PPP1R14A: variants seen among roughly 807,000 people sequenced by gnomAD.
PPP1R14A encodes the protein protein phosphatase 1 regulatory inhibitor subunit 14A.
PPP1R14A carries 9 observed loss-of-function variants against 14.1 expected under a neutral mutation model. The observed-to-expected ratio is 0.64, with a 90% CI of 0.38 to 1.11. The LOEUF (loss-of-function observed/expected upper bound fraction) is 1.11, where lower values mean the gene tolerates loss of function less well. PPP1R14A is among the 50% of genes most tolerant of loss of function. The pLI is 0.01. For synonymous variants in PPP1R14A, 93 were observed against 88.7 expected (o/e 1.05, Z -0.27); for missense variants, 208 against 200.7 (o/e 1.04, Z -0.22).
Position 38,252,253 on chromosome 19 carries a change from C to T in PPP1R14A, c.315+53G>A. The T allele has an allele frequency of 6.3e-7, 1 of 1,578,450 alleles. No individual in the cohort carries two copies. Among genetic ancestry groups the T allele is most frequent in the Non-Finnish European group, 8.7e-7 (1 of 1,153,730 alleles). The stretch of plus-strand genomic sequence containing the variant: ...TTCTGCCAGCTTCTTCCCCCTCCCC[C>T]ATCAGAGTACTTGGGGCCAGAACAG... On this transcript the variant is annotated intron_variant, in intron 3 of 3. Coordinates refer to ENST00000301242, the MANE Select transcript of PPP1R14A (RefSeq NM_033256.3). The surrounding 1 kb of genome is among the most constrained non-coding windows in gnomAD (Gnocchi z 4.1).
rs761429737 is a variant in PPP1R14A, at chr19:38,256,107, C to T, written c.201+32G>A. The T allele has an allele frequency of 2.2e-5, 33 of 1,523,588 alleles. No individual in the cohort carries two copies. The highest frequency in any genetic ancestry group is 1.0e-4 in the East Asian group (4 of 40,072). 94.4% of individuals were successfully genotyped at this position (1,523,588 alleles called of 1,614,324 possible). A position where few individuals can be genotyped will look rare whatever the true frequency, so the allele number is the denominator to read the frequency against. On this transcript the variant is annotated intron_variant, in intron 1 of 3. Transcript: ENST00000301242. This position sits in a 1 kb window ranked among gnomAD's most constrained non-coding sequence, Gnocchi z 5.7. ...TCTCCGCGCCCGGGCTCTATCTGTC[C>T]CCGACCACCCCCGAGCCCTCCCCGG...
Position 38,251,389 on chromosome 19 carries a change from G to T in PPP1R14A, c.373C>A (p.Arg125Ser). ...CCGTCGTGGGAGGGGCTTGGCTGGC[G>T]GAGGCCGGGCTGCCTGTGGAGGCCT... ...LQGLHRQPGL[R>S]QPSPSHDGSL... Residue 125 changes from arginine to serine, a missense_variant, in exon 4 of 4, where the codon CGC (arginine) becomes AGC (serine). Physicochemically the swap from Arg to Ser is moderately radical, Grantham distance 110 (BLOSUM62 -1). Coordinates refer to ENST00000301242, the MANE Select transcript of PPP1R14A (RefSeq NM_033256.3). 1 of 1,561,736 alleles carries T rather than the reference G, an allele frequency of 6.4e-7. No homozygotes were observed.
chr19:38,253,430 G>A (rs1968213227), intron 1 of PPP1R14A, among the ~76,000 whole-genome samples: 1 of 152,090 alleles, frequency 6.6e-6, no homozygotes, highest in Non-Finnish European at 1.5e-5. Context: ...GGACAGGAAG[G>A]GAGGGGACAG....
chr19:38,252,397 C>T lies in PPP1R14A; in HGVS notation c.283-59G>A, dbSNP rs1382345888. On this transcript the variant is annotated intron_variant, in intron 2 of 3. Coordinates refer to ENST00000301242, the MANE Select transcript of PPP1R14A (RefSeq NM_033256.3). This position sits in a 1 kb window ranked among gnomAD's most constrained non-coding sequence, Gnocchi z 4.1. ...TAAATGACTAACACCTACTCCCCTCCAGCCCCTTCCCTTTCCCAAAAGGCC... is the reference window on the plus strand; with the variant it reads ...TAAATGACTAACACCTACTCCCCTCTAGCCCCTTCCCTTTCCCAAAAGGCC... 1.9e-6 allele frequency: 3 copies of T among 1,548,174 alleles called. No individual in the cohort carries two copies. The highest frequency in any genetic ancestry group is 1.8e-6 in the Non-Finnish European group (2 of 1,129,240).
At chr19:38,253,224 C>G in intron 1 of PPP1R14A, 1 of 471,816 alleles carries the variant, frequency 2.1e-6, no homozygotes, top group South Asian at 2.7e-5. Context: ...CCGGGAGCCT[C>G]GGGGCTGGCA....
chr19:38,253,938 C>T (rs2146256100), intron 1 of PPP1R14A, among the ~76,000 whole-genome samples: 1 of 152,286 alleles, frequency 6.6e-6, no homozygotes, highest in Admixed American at 6.5e-5. Context: ...GTGGCTCTGG[C>T]TTGGGTGTGT....
rs1403059634 is a variant in PPP1R14A at position 38,252,226 on chromosome 19, C to T, written c.315+80G>A. ...GGGCCGGGTGGTGTTCCCCAGAGAC[C>T]CTTCTGCCAGCTTCTTCCCCCTCCC... On this transcript the variant is annotated intron_variant, in intron 3 of 3. Transcript: ENST00000301242. The surrounding 1 kb of genome is among the most constrained non-coding windows in gnomAD (Gnocchi z 4.1). The T allele has an allele frequency of 7.0e-7, 1 of 1,433,612 alleles. No individual in the cohort carries two copies. Among genetic ancestry groups the T allele is most frequent in the Non-Finnish European group, 9.7e-7 (1 of 1,035,582 alleles). The allele number at this position is 1,433,612 out of a possible 1,614,324, so 88.8% of individuals were successfully genotyped here. A position where few individuals can be genotyped will look rare whatever the true frequency, so the allele number is the denominator to read the frequency against.
chr19:38,251,813 A>G (rs1224991077), intron 3 of PPP1R14A: 1 of 361,926 alleles, frequency 2.8e-6, no homozygotes. Context: ...CCCCAGAGAT[A>G]GATCCAGGGC....
rs1380923440 is a variant in PPP1R14A at position 38,252,079 on chromosome 19, G to GA, written c.315+226dup. 2 of 590,336 alleles carry GA rather than the reference G, an allele frequency of 3.4e-6. No homozygotes were observed. The highest frequency in any genetic ancestry group is 1.9e-5 in the African/African-American group (1 of 53,478). 36.6% of individuals were successfully genotyped at this position (590,336 alleles called of 1,614,324 possible). Reference sequence around the variant, plus strand: ...AGAGGCAAAAACAGGGCAGATGGGGGAGGACAGAATGGAGCCCCCTCAGCA... The same window carrying GA: ...AGAGGCAAAAACAGGGCAGATGGGGGAAGGACAGAATGGAGCCCCCTCAGCA... On this transcript the variant is annotated intron_variant, in intron 3 of 3. Coordinates refer to ENST00000301242, the MANE Select transcript of PPP1R14A (RefSeq NM_033256.3). The surrounding 1 kb of genome is among the most constrained non-coding windows in gnomAD (Gnocchi z 4.1).
In PPP1R14A at chr19:38,252,276, C is replaced by T. The variant is rs763226778; in HGVS notation, c.315+30G>A. On this transcript the variant is annotated intron_variant, in intron 3 of 3. Coordinates refer to ENST00000301242, the MANE Select transcript of PPP1R14A (RefSeq NM_033256.3). This position sits in a 1 kb window ranked among gnomAD's most constrained non-coding sequence, Gnocchi z 4.1. ...CCCATCAGAGTACTTGGGGCCAGAA[C>T]AGGGAGAGAATGAGGGAGAGAAAAC... 3 of 1,607,714 alleles carry T rather than the reference C, an allele frequency of 1.9e-6. No individual in the cohort carries two copies. The South Asian group carries it at 3.3e-5, about 18-fold the overall frequency.
Position 38,252,781 on chromosome 19 carries a change from G to A in PPP1R14A, c.282+113C>T, listed in dbSNP as rs764723858. The A allele has an allele frequency of 1.1e-5, 9 of 815,624 alleles. No individual in the cohort carries two copies. Among genetic ancestry groups the A allele is most frequent in the Non-Finnish European group, 1.9e-5 (9 of 470,684 alleles). 50.5% of individuals were successfully genotyped at this position (815,624 alleles called of 1,614,324 possible). A position where few individuals can be genotyped will look rare whatever the true frequency, so the allele number is the denominator to read the frequency against. On this transcript the variant is annotated intron_variant, in intron 2 of 3. Transcript: ENST00000301242. This position sits in a 1 kb window ranked among gnomAD's most constrained non-coding sequence, Gnocchi z 4.1. ...GGTTAAGTGAGTGAATACATGTAAA[G>A]CCATCACACCAGTGCCCGGCATCTA...
At chr19:38,253,644 G>A (rs910010751) in intron 1 of PPP1R14A, among the ~76,000 whole-genome samples, 1 of 152,198 alleles carries the variant, frequency 6.6e-6, no homozygotes, top group Non-Finnish European at 1.5e-5. Context: ...CTGGGAATAG[G>A]ACCCAGCTGT....
Position 38,256,076 on chromosome 19 carries a change from G to A in PPP1R14A, c.201+63C>T. ...GAGTGTGCACCGAGACCCCAAGGGC[G>A]TGGGGTCTCCGCGCCCGGGCTCTAT... On this transcript the variant is annotated intron_variant, in intron 1 of 3. Transcript: ENST00000301242. The surrounding 1 kb of genome is among the most constrained non-coding windows in gnomAD (Gnocchi z 5.7). 1 of 1,402,576 alleles carries A rather than the reference G, an allele frequency of 7.1e-7. No homozygotes were observed. Among genetic ancestry groups the A allele is most frequent in the Middle Eastern group, 2.4e-4 (1 of 4,102 alleles). 86.9% of individuals were successfully genotyped at this position (1,402,576 alleles called of 1,614,324 possible).
rs749397816 is a variant in PPP1R14A at position 38,252,352 on chromosome 19, C to T, written c.283-14G>A. The T allele has an allele frequency of 7.4e-6, 12 of 1,612,180 alleles. No homozygotes were observed. Among genetic ancestry groups the T allele is most frequent in the Non-Finnish European group, 1.7e-6 (2 of 1,179,248 alleles). On this transcript the variant is annotated splice_polypyrimidine_tract_variant and intron_variant, in intron 2 of 3. Transcript: ENST00000301242. The surrounding 1 kb of genome is among the most constrained non-coding windows in gnomAD (Gnocchi z 4.1). ...CTTCAGGAGTCCCTAAAACCCCCAA[C>T]CAAGAACAAAACAAAACAGTAAATG...
In PPP1R14A at chr19:38,252,807, G is replaced by A; in HGVS notation, c.282+87C>T. 1.0e-6 allele frequency: 1 copy of A among 985,410 alleles called. No individual in the cohort carries two copies. The highest frequency in any genetic ancestry group is 1.6e-6 in the Non-Finnish European group (1 of 610,826). 61.0% of individuals were successfully genotyped at this position (985,410 alleles called of 1,614,324 possible). On this transcript the variant is annotated intron_variant, in intron 2 of 3. Transcript: ENST00000301242. This position sits in a 1 kb window ranked among gnomAD's most constrained non-coding sequence, Gnocchi z 4.1. ...CCATCACACCAGTGCCCGGCATCTA[G>A]TGAGCACTCAGTAAACACGTGAACT...
chr19:38,252,422 C>T lies in PPP1R14A; in HGVS notation c.283-84G>A. ...CAGCCCCTTCCCTTTCCCAAAAGGC[C>T]CCAGCAGCAAGACAAATGGAAGTCA... On this transcript the variant is annotated intron_variant, in intron 2 of 3. Transcript: ENST00000301242. This position sits in a 1 kb window ranked among gnomAD's most constrained non-coding sequence, Gnocchi z 4.1. 2.9e-6 allele frequency: 4 copies of T among 1,374,788 alleles called. No individual in the cohort carries two copies. The highest frequency in any genetic ancestry group is 1.2e-5 in the South Asian group (1 of 82,192). 85.2% of individuals were successfully genotyped at this position (1,374,788 alleles called of 1,614,324 possible). A position where few individuals can be genotyped will look rare whatever the true frequency, so the allele number is the denominator to read the frequency against.
intron 1 of PPP1R14A, among the ~76,000 whole-genome samples, chr19:38,255,344 G>C (rs1968235069): frequency 6.6e-6 from 1 of 152,272 alleles, no homozygotes; most frequent in East Asian, 1.9e-4. Flanking sequence ...GCCCAGGCTG[G>C]TGTTGAACTC....
Position 38,252,210 on chromosome 19 carries a change from G to T in PPP1R14A, c.315+96C>A. 8.1e-7 allele frequency: 1 copy of T among 1,233,732 alleles called. No homozygotes were observed. The highest frequency in any genetic ancestry group is 1.2e-6 in the Non-Finnish European group (1 of 860,190). The allele number at this position is 1,233,732 out of a possible 1,614,324, so 76.4% of individuals were successfully genotyped here. Reference sequence around the variant, plus strand: ...GGGGCCGGGGGTGGTGGGGCCGGGTGGTGTTCCCCAGAGACCCTTCTGCCA... The same window carrying T: ...GGGGCCGGGGGTGGTGGGGCCGGGTTGTGTTCCCCAGAGACCCTTCTGCCA... On this transcript the variant is annotated intron_variant, in intron 3 of 3. Coordinates refer to ENST00000301242, the MANE Select transcript of PPP1R14A (RefSeq NM_033256.3). The surrounding 1 kb of genome is among the most constrained non-coding windows in gnomAD (Gnocchi z 4.1).
At chr19:38,253,224 C>T (rs571321819) in intron 1 of PPP1R14A, 43 of 471,696 alleles carry the variant, frequency 9.1e-5, no homozygotes, top group Non-Finnish European at 1.5e-4. Flanking sequence ...CCGGGAGCCT[C>T]GGGGCTGGCA....
Sources: gnomAD v4.1 joint callset for allele counts (sites outside exome capture counted in the v4.1 genomes callset) on GRCh38, gnomAD v4.1.1 for gene constraint, Gnocchi (gnomAD v3.1) non-coding constraint, MANE v1.5 for transcripts, NCBI Gene and HGNC (gene_info 2026-07-23, HGNC 2026-07-21) for gene names.